ZMYND11: variants seen among roughly 807,000 people sequenced by gnomAD.
ZMYND11 encodes zinc finger MYND domain-containing protein 11.
Under a neutral mutation model 84.9 loss-of-function variants are expected in ZMYND11, and 9 were observed. That is an observed-to-expected ratio of 0.11 (90% CI 0.06 to 0.18). ZMYND11 has a LOEUF of 0.18. Among genes scored for constraint, ZMYND11 ranks in the 10% least tolerant of loss-of-function variants. The pLI is 1.00. For missense variants in ZMYND11, 409 were observed against 761.0 expected (o/e 0.54, Z 5.44); for synonymous variants, 250 against 244.1 (o/e 1.02, Z -0.23).
intron 1 of ZMYND11, among the ~76,000 whole-genome samples, chr10:136,353 G>C (rs782525961): frequency 2.0e-5 from 3 of 152,222 alleles, no homozygotes; most frequent in Non-Finnish European, 4.4e-5. Flanking sequence ...CTTTTGCAGA[G>C]TGACCGCCGT....
At chr10:231,502 T>A (rs1949011667) in intron 4 of ZMYND11, among the ~76,000 whole-genome samples, 1 of 152,206 alleles carries the variant, frequency 6.6e-6, no homozygotes, top group African/African-American at 2.4e-5. Flanking sequence ...AAAAACTATA[T>A]CGCTATAAAG....
chr10:155,409 G>A (rs1352389538), intron 1 of ZMYND11, among the ~76,000 whole-genome samples: 1 of 152,156 alleles, frequency 6.6e-6, no homozygotes, highest in African/African-American at 2.4e-5. Context: ...AGCACTTTGG[G>A]AGACCAAAGC....
chr10:138,742 G>A (rs1234475980), intron 1 of ZMYND11, among the ~76,000 whole-genome samples: 11 of 145,148 alleles, frequency 7.6e-5, no homozygotes, highest in African/African-American at 2.5e-4. Context: ...CAGCAAAGAG[G>A]ATGTATCTTG....
At chr10:160,787 G>T (rs1305480562) in intron 1 of ZMYND11, among the ~76,000 whole-genome samples, 1 of 152,064 alleles carries the variant, frequency 6.6e-6, no homozygotes, top group Non-Finnish European at 1.5e-5. Context: ...TGAGATTATA[G>T]CAATTCAGTT....
chr10:231,317 TCA>T (rs1948984061), intron 4 of ZMYND11, among the ~76,000 whole-genome samples: 1 of 152,222 alleles, frequency 6.6e-6, no homozygotes, highest in Non-Finnish European at 1.5e-5. Context: ...TCTCATTTAA[TCA>T]CAGACATGGG....
chr10:191,155 AT>A (rs747053559), intron 2 of ZMYND11, among the ~76,000 whole-genome samples: 36 of 152,310 alleles, frequency 2.4e-4, no homozygotes, highest in Non-Finnish European at 4.6e-4. Flanking sequence ...TTATATAATT[AT>A]TTAATTTTCA....
intron 2 of ZMYND11, among the ~76,000 whole-genome samples, chr10:198,666 T>A (rs1453611879): frequency 1.3e-5 from 2 of 152,242 alleles, no homozygotes; most frequent in Non-Finnish European, 2.9e-5. Flanking sequence ...ATTTCTGTGC[T>A]TGATATTTAG....
intron 1 of ZMYND11, among the ~76,000 whole-genome samples, chr10:144,274 A>G (rs782285940): frequency 5.3e-5 from 8 of 152,156 alleles, no homozygotes; most frequent in Non-Finnish European, 1.2e-4. Flanking sequence ...GCTGGAGTGC[A>G]GTAGCACCAT....
chr10:164,716 C>G (rs559084931), intron 1 of ZMYND11, among the ~76,000 whole-genome samples: 4 of 152,126 alleles, frequency 2.6e-5, no homozygotes, highest in Non-Finnish European at 5.9e-5. Flanking sequence ...TTTGATTGAA[C>G]TAGAAATTGG....
At chr10:219,736 A>G (rs1327655581) in intron 3 of ZMYND11, among the ~76,000 whole-genome samples, 3 of 152,150 alleles carry the variant, frequency 2.0e-5, no homozygotes, top group Admixed American at 6.5e-5. Flanking sequence ...GGTTTTATGT[A>G]AAAATCAGTA....
chr10:179,001 T>C (rs983667193), intron 1 of ZMYND11, among the ~76,000 whole-genome samples: 3 of 152,070 alleles, frequency 2.0e-5, no homozygotes, highest in Non-Finnish European at 4.4e-5. Context: ...ACTTAAAAGA[T>C]AGGAAAGGGC....
chr10:139,796 C>T (rs1554753510), intron 1 of ZMYND11, among the ~76,000 whole-genome samples: 2 of 147,640 alleles, frequency 1.4e-5, no homozygotes, highest in Non-Finnish European at 3.0e-5. Context: ...ACTACAACCT[C>T]CACCTCCTGG....
intron 5 of ZMYND11, among the ~76,000 whole-genome samples, chr10:237,274 T>A (rs1950149116): frequency 6.6e-6 from 1 of 152,260 alleles, no homozygotes; most frequent in African/African-American, 2.4e-5. Flanking sequence ...GAATGTCATA[T>A]TAAACTATAT....
At chr10:216,346 GTCTTTT>G (rs1946190712) in intron 3 of ZMYND11, among the ~76,000 whole-genome samples, 1 of 152,094 alleles carries the variant, frequency 6.6e-6, no homozygotes, top group South Asian at 2.1e-4. Context: ...TTAGGTCTTT[GTCTTTT>G]TCTTGATAAA....
At chr10:177,380 G>A (rs1457941788) in intron 1 of ZMYND11, among the ~76,000 whole-genome samples, 3 of 151,970 alleles carry the variant, frequency 2.0e-5, no homozygotes, top group African/African-American at 7.2e-5. Flanking sequence ...TCCTTATAGT[G>A]TACCTGTATT....
At chr10:149,820 A>G (rs1839880920) in intron 1 of ZMYND11, among the ~76,000 whole-genome samples, 1 of 152,168 alleles carries the variant, frequency 6.6e-6, no homozygotes, top group Non-Finnish European at 1.5e-5. Context: ...GAAGTACATT[A>G]TTTCAACACT....
intron 4 of ZMYND11, among the ~76,000 whole-genome samples, chr10:235,165 CAA>C (rs984260429): frequency 2.0e-5 from 3 of 152,130 alleles, no homozygotes; most frequent in Non-Finnish European, 4.4e-5. Flanking sequence ...AAAATTTTTA[CAA>C]AGTTTTTTAA....
At chr10:247,826 C>CTG (rs1952477635) in intron 12 of ZMYND11, among the ~76,000 whole-genome samples, 1 of 152,192 alleles carries the variant, frequency 6.6e-6, no homozygotes, top group South Asian at 2.1e-4. Context: ...GTTGTGCCAA[C>CTG]ATTTAAAAAC....
intron 4 of ZMYND11, among the ~76,000 whole-genome samples, chr10:230,948 G>T (rs777217227): frequency 6.6e-6 from 1 of 152,122 alleles, no homozygotes; most frequent in Non-Finnish European, 1.5e-5. Context: ...CTCCCTCTAG[G>T]GGTCAACCTG....
Sources: gnomAD v4.1 joint callset for allele counts (sites outside exome capture counted in the v4.1 genomes callset) on GRCh38, gnomAD v4.1.1 for gene constraint, MANE v1.5 for transcripts, NCBI Gene and HGNC (gene_info 2026-07-23, HGNC 2026-07-21) for gene names.